TMEM135: variants seen among roughly 807,000 people sequenced by gnomAD.
The protein encoded by TMEM135 is peroxisomal membrane protein 52.
Under a neutral mutation model 60.3 loss-of-function variants are expected in TMEM135, and 30 were observed. The observed-to-expected ratio is 0.50, with a 90% CI of 0.37 to 0.68. The LOEUF (loss-of-function observed/expected upper bound fraction) is 0.68, where lower values mean the gene tolerates loss of function less well. Among genes scored for constraint, TMEM135 ranks in the 30% least tolerant of loss-of-function variants. TMEM135 has a pLI of 0.00. For missense variants in TMEM135, 468 were observed against 548.8 expected, an observed-to-expected ratio of 0.85 and a Z score of 1.47; for synonymous variants, 190 against 186.7, an observed-to-expected ratio of 1.02 and a Z score of -0.14.
chr11:87,111,472 C>G (rs4351839), intron 4 of TMEM135, among the ~76,000 whole-genome samples: 82,606 of 150,518 alleles, frequency 0.55, 23,504 homozygotes, highest in East Asian at 0.71. Context: ...ATGATGAAAC[C>G]CTGTCTCTAC....
intron 12 of TMEM135, 71 bp downstream of exon 12, chr11:87,314,618 C>A (rs1942695255): frequency 1.7e-6 from 2 of 1,208,060 alleles, no homozygotes; most frequent in Non-Finnish European, 2.4e-6. Flanking sequence ...GTTTTAGCAG[C>A]AAATGTATAT....
intron 1 of TMEM135, among the ~76,000 whole-genome samples, chr11:87,043,058 C>T (rs989356873): frequency 1.3e-5 from 2 of 151,120 alleles, no homozygotes; most frequent in African/African-American, 4.9e-5. Context: ...CAGGTTCAAG[C>T]CATTCTGCTG....
rs1373312344 is a variant in TMEM135, at chr11:87,318,133, G to A, written c.1078-4G>A. The A allele has an allele frequency of 6.2e-7, 1 of 1,608,732 alleles. No homozygotes were observed. Among genetic ancestry groups the A allele is most frequent in the South Asian group, 1.1e-5 (1 of 90,998 alleles). ...ATAACTCTTGTCTTATGCTTGTTTT[G>A]CAGACAATGTATTTCAAAGGCATTG... On this transcript the variant is annotated splice_polypyrimidine_tract_variant and splice_region_variant and intron_variant, in intron 12 of 14. Coordinates refer to ENST00000305494, the MANE Select transcript of TMEM135 (RefSeq NM_022918.4).
intron 2 of TMEM135, among the ~76,000 whole-genome samples, chr11:87,070,293 C>G (rs2135140607): frequency 6.6e-6 from 1 of 152,200 alleles, no homozygotes; most frequent in South Asian, 2.1e-4. Context: ...CTACTTCTCC[C>G]TTTCTTAGGA....
chr11:87,089,879 A>C (rs1372724379), intron 3 of TMEM135, among the ~76,000 whole-genome samples: 1 of 152,218 alleles, frequency 6.6e-6, no homozygotes, highest in Non-Finnish European at 1.5e-5. Flanking sequence ...GGACATTAAA[A>C]AAACCTTATA....
intron 4 of TMEM135, among the ~76,000 whole-genome samples, chr11:87,110,239 A>G (rs764683057): frequency 2.6e-4 from 40 of 152,172 alleles, no homozygotes; most frequent in Non-Finnish European, 8.8e-5. Context: ...TTTCCAACTC[A>G]AATTACCAAA....
chr11:87,069,279 C>T (rs138163770), intron 2 of TMEM135, among the ~76,000 whole-genome samples: 2,331 of 107,266 alleles, frequency 0.022, 63 homozygotes, highest in East Asian at 0.075. Context: ...AGTAAGACTC[C>T]GTCTCAAAAA....
chr11:87,220,850 A>C (rs1940603352), intron 5 of TMEM135, among the ~76,000 whole-genome samples: 1 of 152,214 alleles, frequency 6.6e-6, no homozygotes, highest in Non-Finnish European at 1.5e-5. Flanking sequence ...ATATGTCTAT[A>C]TGTTTAATAA....
intron 5 of TMEM135, among the ~76,000 whole-genome samples, chr11:87,171,557 C>T (rs552521): frequency 1.3e-5 from 2 of 151,816 alleles, no homozygotes; most frequent in East Asian, 3.9e-4. Context: ...AAAAAATACT[C>T]GTCTGCATGT....
At chr11:87,217,212 G>A (rs951558978) in intron 5 of TMEM135, among the ~76,000 whole-genome samples, 2 of 152,168 alleles carry the variant, frequency 1.3e-5, no homozygotes, top group African/African-American at 4.8e-5. Context: ...ATCTGGAATC[G>A]GGAGGTAGAC....
intron 1 of TMEM135, among the ~76,000 whole-genome samples, chr11:87,047,168 C>T (rs139285955): frequency 7.2e-5 from 11 of 152,132 alleles, no homozygotes; most frequent in South Asian, 2.1e-4. Flanking sequence ...TTTTCCACCT[C>T]GATCTAGATG....
At position 87,059,223 on chromosome 11, in the gene TMEM135, C is replaced by T. The variant is rs568159298; in HGVS notation, c.142-8471C>T. 4.6e-5 allele frequency among the ~76,000 whole-genome samples: 7 copies of T among 151,616 alleles called. No homozygotes were observed. The South Asian group carries it at 6.3e-4, about 14-fold the overall frequency. ...AAGTGCTGACGTCAGCCACCGCGCC[C>T]AGCCGAAAAATTTTTAGAAAAAAAA... is the stretch of plus-strand genomic sequence containing the variant. On this transcript the variant is annotated intron_variant, in intron 1 of 14. Coordinates refer to ENST00000305494, the MANE Select transcript of TMEM135 (RefSeq NM_022918.4).
At chr11:87,086,673 G>T (rs1224107074) in intron 3 of TMEM135, among the ~76,000 whole-genome samples, 2 of 152,134 alleles carry the variant, frequency 1.3e-5, no homozygotes, top group Non-Finnish European at 2.9e-5. Context: ...CTACTCAAAG[G>T]TGGGCATGAC....
intron 5 of TMEM135, among the ~76,000 whole-genome samples, chr11:87,223,663 G>GCACACACACACACACACA (rs1320732136): frequency 3.7e-4 from 48 of 130,956 alleles, no homozygotes; most frequent in African/African-American, 1.3e-3. Context: ...ATACGCACAT[G>GCACACACACACACACACA]CACGCACACA....
At chr11:87,150,230 A>G (rs886147103) in intron 4 of TMEM135, among the ~76,000 whole-genome samples, 10 of 151,590 alleles carry the variant, frequency 6.6e-5, no homozygotes, top group African/African-American at 1.9e-4. Flanking sequence ...AAAAAAAAAA[A>G]AAAAAGAAAA....
At chr11:87,297,502 GGTATTAA>G (rs1942367543) in intron 7 of TMEM135, among the ~76,000 whole-genome samples, 1 of 152,098 alleles carries the variant, frequency 6.6e-6, no homozygotes, top group South Asian at 2.1e-4. Flanking sequence ...GAAAGCATTT[GGTATTAA>G]GTTTAAAGTT....
intron 5 of TMEM135, among the ~76,000 whole-genome samples, chr11:87,200,490 C>A (rs1940069679): frequency 6.6e-6 from 1 of 152,084 alleles, no homozygotes; most frequent in Non-Finnish European, 1.5e-5. Context: ...AATAGAGAAA[C>A]TTCCCATGTA....
At chr11:87,067,922 C>G in intron 2 of TMEM135, 101 bp downstream of exon 2, 2 of 1,435,918 alleles carry the variant, frequency 1.4e-6, no homozygotes, top group East Asian at 4.7e-5. Context: ...CTATCCCCGC[C>G]CCCCCTTTTT....
rs1940294651 is a variant in TMEM135 at position 87,208,739 on chromosome 11, C to A, written c.463-27899C>A. 2.0e-5 allele frequency among the ~76,000 whole-genome samples: 3 copies of A among 152,108 alleles called. No homozygotes were observed. In the South Asian group the frequency reaches 6.2e-4, roughly 32 times the overall value. On this transcript the variant is annotated intron_variant, in intron 5 of 14. Transcript: ENST00000305494. ...AACCCCTGTGAGATACTATGTAAGA[C>A]AACCATCTCCAAGACATATAGTCAT...
Sources: gnomAD v4.1 joint callset for allele counts (sites outside exome capture counted in the v4.1 genomes callset) on GRCh38, gnomAD v4.1.1 for gene constraint, MANE v1.5 for transcripts, NCBI Gene and HGNC (gene_info 2026-07-23, HGNC 2026-07-21) for gene names.